Variants in ATP11C observed in about 807,000 individuals in gnomAD.
ATP11C encodes ATPase phospholipid transporting 11C (ATP11C blood group).
Under a neutral mutation model 97.4 loss-of-function variants are expected in ATP11C, and 36 were observed. That is an observed-to-expected ratio of 0.37 (90% CI 0.28 to 0.49). ATP11C has a LOEUF of 0.49. ATP11C is among the 20% of genes least tolerant of loss of function. ATP11C has a pLI of 0.98. For missense variants in ATP11C, 730 were observed against 824.6 expected, an observed-to-expected ratio of 0.89 and a Z score of 1.40; for synonymous variants, 275 against 290.9, an observed-to-expected ratio of 0.95 and a Z score of 0.56.
intron 1 of ATP11C, among the ~76,000 whole-genome samples, chrX:139,848,456 A>G (rs2083941567): frequency 9.2e-6 from 1 of 108,454 alleles, no homozygotes; most frequent in South Asian, 4.0e-4. Flanking sequence ...CATAACTTCT[A>G]CTACATAGCT....
In ATP11C at chrX:139,732,357, AT is replaced by A; in HGVS notation, c.3289-603del. On this transcript the variant is annotated intron_variant, in intron 28 of 29. Coordinates refer to ENST00000682941, the MANE Select transcript of ATP11C (RefSeq NM_001353812.2). ...GATATAAAATGAGTCATGAGAAGTA[AT>A]TTTTCATAAAGAATTAGAAAATGGT... The A allele has an allele frequency of 1.1e-5, 3 of 271,585 alleles. No individual in the cohort carries two copies. In the Middle Eastern group the frequency reaches 1.5e-3, roughly 140 times the overall value. The allele number at this position is 271,585 out of a possible 1,213,427, so 22.4% of individuals were successfully genotyped here. A position where few individuals can be genotyped will look rare whatever the true frequency, so the allele number is the denominator to read the frequency against.
chrX:139,871,333 G>A (rs969478859), intron 1 of ATP11C, among the ~76,000 whole-genome samples: 14 of 105,480 alleles, frequency 1.3e-4, no homozygotes, highest in African/African-American at 4.8e-4. Context: ...CTCAGCTCCC[G>A]AGTAGCTGGC....
chrX:139,750,264 T>C (rs1411409223), intron 23 of ATP11C, 112 bp from the exon 24 acceptor site: 4 of 743,707 alleles, frequency 5.4e-6, no homozygotes, highest in African/African-American at 4.3e-5. Flanking sequence ...TTTTTTTACA[T>C]GCTTTTGGTA....
chrX:139,911,621 C>T lies in ATP11C; in HGVS notation c.27+20395G>A, dbSNP rs1340516443. Among the ~76,000 whole-genome samples, 3 of 111,234 alleles carry T rather than the reference C, an allele frequency of 2.7e-5. No individual in the cohort carries two copies. In the East Asian group the frequency reaches 8.4e-4, roughly 31 times the overall value. The stretch of plus-strand genomic sequence containing the variant: ...GATTACGTATGTGAGACTTCCTATA[C>T]ATACAGTTTTGTGTTTCTATGTATA... On this transcript the variant is annotated intron_variant, in intron 1 of 29. Coordinates refer to ENST00000682941, the MANE Select transcript of ATP11C (RefSeq NM_001353812.2).
intron 1 of ATP11C, among the ~76,000 whole-genome samples, chrX:139,836,430 G>A (rs1015637300): frequency 2.7e-5 from 3 of 109,249 alleles, no homozygotes; most frequent in East Asian, 2.9e-4. Flanking sequence ...CAGGAGAATC[G>A]CTTGAGCCTG....
intron 26 of ATP11C, among the ~76,000 whole-genome samples, chrX:139,743,209 GCT>G (rs1037196834): frequency 9.5e-6 from 1 of 105,711 alleles, no homozygotes; most frequent in African/African-American, 3.4e-5. Flanking sequence ...TCTCTCTCTC[GCT>G]CTCTCTCTCA....
intron 1 of ATP11C, among the ~76,000 whole-genome samples, chrX:139,869,564 C>T (rs1404173987): frequency 3.0e-5 from 3 of 98,970 alleles, no homozygotes; most frequent in African/African-American, 7.5e-5. Context: ...GTGGGTGGAT[C>T]GGTTGAGGCC....
At chrX:139,908,051 C>T (rs36035397) in intron 1 of ATP11C, among the ~76,000 whole-genome samples, 215 of 111,282 alleles carry the variant, frequency 1.9e-3, no homozygotes, top group Non-Finnish European at 3.4e-3. Flanking sequence ...ATCGCCCTCC[C>T]CATCTCCAGA....
chrX:139,906,842 G>C (rs1186604671), intron 1 of ATP11C, among the ~76,000 whole-genome samples: 1 of 110,436 alleles, frequency 9.1e-6, no homozygotes, highest in Non-Finnish European at 1.9e-5. Flanking sequence ...GCCTTGTATT[G>C]CTTGCAGTAG....
intron 1 of ATP11C, among the ~76,000 whole-genome samples, chrX:139,889,813 A>G (rs927058326): frequency 1.8e-5 from 2 of 112,225 alleles, no homozygotes; most frequent in South Asian, 3.7e-4. Flanking sequence ...TCTGGTAAGA[A>G]GGTGAGAAAG....
chrX:139,731,555 A>T (rs2081340765), intron 29 of ATP11C, 96 bp downstream of exon 29: 1 of 433,878 alleles, frequency 2.3e-6, no homozygotes, highest in Admixed American at 3.7e-5. Flanking sequence ...CCACACCAAC[A>T]GCAGAGAAAA....
intron 1 of ATP11C, among the ~76,000 whole-genome samples, chrX:139,896,672 G>C (rs1474023470): frequency 2.9e-5 from 3 of 102,724 alleles, no homozygotes; most frequent in African/African-American, 1.1e-4. Flanking sequence ...CTGGAGTGCA[G>C]TGGCACAATC....
intron 1 of ATP11C, among the ~76,000 whole-genome samples, chrX:139,924,926 C>T (rs1159756436): frequency 1.8e-5 from 2 of 111,630 alleles, no homozygotes; most frequent in Admixed American, 1.9e-4. Flanking sequence ...CATCCGCAAG[C>T]GTTTCTATGT....
chrX:139,902,491 GA>G (rs1176180335), intron 1 of ATP11C, among the ~76,000 whole-genome samples: 1 of 111,307 alleles, frequency 9.0e-6, no homozygotes, highest in African/African-American at 3.3e-5. Flanking sequence ...ATCACCTCAG[GA>G]AAAAAATATT....
chrX:139,916,363 G>A, intron 1 of ATP11C, among the ~76,000 whole-genome samples: 3 of 111,539 alleles, frequency 2.7e-5, no homozygotes, highest in African/African-American at 9.8e-5. Context: ...AGCATTTAAT[G>A]AGCACATATT....
chrX:139,804,742 G>C, intron 5 of ATP11C, 143 bp from the exon 6 acceptor site: 1 of 424,144 alleles, frequency 2.4e-6, no homozygotes, highest in Non-Finnish European at 3.9e-6. Flanking sequence ...CATGTGAAAG[G>C]TGATGAAAGA....
intron 1 of ATP11C, among the ~76,000 whole-genome samples, chrX:139,869,436 A>T (rs2084334589): frequency 9.0e-6 from 1 of 110,753 alleles, no homozygotes; most frequent in Non-Finnish European, 1.9e-5. Flanking sequence ...GTTAAATAAT[A>T]ATGATAGCTG....
chrX:139,781,707 A>C (rs752781333), intron 18 of ATP11C, among the ~76,000 whole-genome samples: 1 of 111,256 alleles, frequency 9.0e-6, no homozygotes, highest in Non-Finnish European at 1.9e-5. Context: ...ACAGAGCAAG[A>C]CTCTGTCTCA....
intron 1 of ATP11C, among the ~76,000 whole-genome samples, chrX:139,844,112 A>G (rs372488997): frequency 1.8e-5 from 2 of 112,050 alleles, no homozygotes; most frequent in African/African-American, 6.5e-5. Flanking sequence ...CAAAATGACC[A>G]TGAATAGTTT....
Sources: gnomAD v4.1 joint callset for allele counts (sites outside exome capture counted in the v4.1 genomes callset) on GRCh38, gnomAD v4.1.1 for gene constraint, MANE v1.5 for transcripts, NCBI Gene and HGNC (gene_info 2026-07-23, HGNC 2026-07-21) for gene names.